NSD1: variants seen among roughly 807,000 people sequenced by gnomAD.
The protein encoded by NSD1 is histone-lysine N-methyltransferase, H3 lysine-36 specific.
NSD1 carries 26 observed loss-of-function variants against 242.7 expected under a neutral mutation model. The ratio of observed to expected loss-of-function variants is 0.11; its 90% CI spans 0.08 to 0.15. The LOEUF (loss-of-function observed/expected upper bound fraction) is 0.15, where lower values mean the gene tolerates loss of function less well. Ranked by LOEUF, NSD1 falls within the 10% of genes least tolerant of loss-of-function variation. The probability of loss-of-function intolerance (pLI) is 1.00; values close to 1 mark genes in which losing one functional copy is unlikely to be tolerated. For synonymous variants in NSD1, 1,106 were observed against 1,178.1 expected, an observed-to-expected ratio of 0.94 and a Z score of 1.25; for missense variants, 2,495 against 3,272.8, an observed-to-expected ratio of 0.76 and a Z score of 5.80.
chr5:177,145,281 A>ATTT (rs371901937), intron 2 of NSD1, among the ~76,000 whole-genome samples: 2 of 138,458 alleles, frequency 1.4e-5, no homozygotes, highest in Non-Finnish European at 3.1e-5. Flanking sequence ...ATGTAACAAG[A>ATTT]TTTTTTTTTT....
At chr5:177,255,044 C>T (rs922684590) in intron 12 of NSD1, among the ~76,000 whole-genome samples, 9 of 152,082 alleles carry the variant, frequency 5.9e-5, no homozygotes, top group Non-Finnish European at 1.3e-4. Flanking sequence ...AGCTACCACG[C>T]CTGTAATCCC....
chr5:177,180,865 TAC>T (rs1298137788), intron 2 of NSD1, among the ~76,000 whole-genome samples: 1 of 150,544 alleles, frequency 6.6e-6, no homozygotes, highest in Non-Finnish European at 1.5e-5. Flanking sequence ...GCATTTTTAG[TAC>T]AGACAGGGTT....
At chr5:177,147,167 TGCATCTCA>T (rs1397828439) in intron 2 of NSD1, among the ~76,000 whole-genome samples, 1 of 151,948 alleles carries the variant, frequency 6.6e-6, no homozygotes, top group African/African-American at 2.4e-5. Flanking sequence ...GTGCAGTAGT[TGCATCTCA>T]GCTCACTGCA....
intron 4 of NSD1, among the ~76,000 whole-genome samples, chr5:177,207,093 C>G (rs888318723): frequency 2.0e-5 from 3 of 151,722 alleles, no homozygotes; most frequent in Non-Finnish European, 2.9e-5. Context: ...TGCGCCACCA[C>G]GCCCTGCTAA....
At position 177,294,930 on chromosome 5, in the gene NSD1, C is replaced by A. The variant is rs775806970; in HGVS notation, c.7562C>A (p.Ala2521Asp). The A allele has an allele frequency of 2.5e-6, 4 of 1,614,126 alleles. No homozygotes were observed. In the Admixed American group the frequency reaches 6.7e-5, roughly 27 times the overall value. ...DPLQTSGKAAAPSEDPWQAVK... is the reference protein window; with the variant it reads ...DPLQTSGKAADPSEDPWQAVK... ...CTTCAGACATCTGGGAAAGCAGCAG[C>A]CCCTTCAGAGGACCCCTGGCAAGCT... The change falls in exon 23 of 23, where the codon GCC (alanine) becomes GAC (aspartate). Residue 2521 changes from alanine (A) to aspartate (D), a missense_variant. By Grantham distance (126) the Ala-to-Asp change is moderately radical. Around this residue, in one of 19 missense-constraint regions of NSD1, gnomAD observed 475 missense variants for 563.7 expected, o/e 0.84. Coordinates refer to ENST00000439151, the MANE Select transcript of NSD1 (RefSeq NM_022455.5).
intron 2 of NSD1, among the ~76,000 whole-genome samples, chr5:177,140,676 G>A (rs1756735135): frequency 6.6e-6 from 1 of 151,726 alleles, no homozygotes; most frequent in South Asian, 2.1e-4. Flanking sequence ...ATGAGATTCT[G>A]TCTCTTAAAA....
chr5:177,147,016 A>T (rs898757267), intron 2 of NSD1, among the ~76,000 whole-genome samples: 1 of 152,000 alleles, frequency 6.6e-6, no homozygotes, highest in African/African-American at 2.4e-5. Context: ...CAAAAAAAAA[A>T]AAAAAAGTTG....
intron 2 of NSD1, among the ~76,000 whole-genome samples, chr5:177,181,048 T>A (rs931289018): frequency 6.8e-6 from 1 of 147,550 alleles, no homozygotes; most frequent in Admixed American, 6.8e-5. Flanking sequence ...GTTTCTTTTT[T>A]TTTTTTTTGA....
intron 2 of NSD1, among the ~76,000 whole-genome samples, chr5:177,181,131 C>T (rs902335280): frequency 1.3e-5 from 2 of 150,430 alleles, no homozygotes; most frequent in African/African-American, 4.9e-5. Context: ...CTCCGCCTCC[C>T]AGGTTCTCCT....
rs1328569366 is a variant in NSD1, at chr5:177,292,040, G to A, written c.6345G>A (p.Lys2115=). The part of the protein sequence containing the change: ...GKRRTQGEIT[K]EREDECFSCG... Reference sequence around the variant, plus strand: ...GCAGGACCCAGGGTGAAATCACAAAGGAGCGAGAAGATGAGTGTTTTAGTT... The same window carrying A: ...GCAGGACCCAGGGTGAAATCACAAAAGAGCGAGAAGATGAGTGTTTTAGTT... Residue 2115 remains lysine (K), a synonymous_variant, in exon 22 of 23, where the codon AAG becomes AAA. Transcript: ENST00000439151. The A allele has an allele frequency of 4.3e-6, 7 of 1,614,138 alleles. No individual in the cohort carries two copies. The highest frequency in any genetic ancestry group is 5.9e-6 in the Non-Finnish European group (7 of 1,180,004).
At position 177,257,164 on chromosome 5, in the gene NSD1, T is replaced by TA. The variant is rs1252292122; in HGVS notation, c.4966+14dup. ...TCTGCATCTAAAGGTATGGATTTCT[T>TA]ATGTGGACCAGTCTAATTGTAAAAC... is the stretch of plus-strand genomic sequence containing the variant. On this transcript the variant is annotated intron_variant, in intron 13 of 22. Transcript: ENST00000439151. 2.5e-6 allele frequency: 4 copies of TA among 1,604,958 alleles called. No homozygotes were observed. The African/African-American group carries it at 5.4e-5, about 21-fold the overall frequency.
At chr5:177,292,520 T>G (rs1313822505) in intron 22 of NSD1, among the ~76,000 whole-genome samples, 1 of 152,074 alleles carries the variant, frequency 6.6e-6, no homozygotes, top group Non-Finnish European at 1.5e-5. Flanking sequence ...GAGAGCTGGG[T>G]TTTTGACTCC....
chr5:177,176,986 T>G (rs535001812), intron 2 of NSD1, among the ~76,000 whole-genome samples: 13 of 152,372 alleles, frequency 8.5e-5, no homozygotes, highest in South Asian at 6.2e-4. Context: ...GTGAGGATTC[T>G]GTTACATTAT....
chr5:177,166,279 G>A (rs1486391684), intron 2 of NSD1, among the ~76,000 whole-genome samples: 2 of 151,994 alleles, frequency 1.3e-5, no homozygotes, highest in Non-Finnish European at 1.5e-5. Context: ...TGGGCAAGGT[G>A]GCTTATGCCT....
chr5:177,154,764 C>T (rs969997490), intron 2 of NSD1, among the ~76,000 whole-genome samples: 1 of 152,108 alleles, frequency 6.6e-6, no homozygotes, highest in Non-Finnish European at 1.5e-5. Context: ...GGTGCGATCT[C>T]GGCTCACTGC....
At chr5:177,214,050 GGCCAGGTGCGGT>G (rs1475753440) in intron 5 of NSD1, among the ~76,000 whole-genome samples, 2 of 151,624 alleles carry the variant, frequency 1.3e-5, no homozygotes, top group Non-Finnish European at 2.9e-5. Flanking sequence ...CGGTATTTAC[GGCCAGGTGCGGT>G]GGCTCACGCC....
At chr5:177,262,819 G>A (rs1380295868) in intron 14 of NSD1, among the ~76,000 whole-genome samples, 4 of 152,314 alleles carry the variant, frequency 2.6e-5, no homozygotes, top group Middle Eastern at 3.4e-3. Context: ...ATTTCACCCT[G>A]GCAATGGAAA....
At chr5:177,291,648 G>A (rs980225421) in intron 21 of NSD1, among the ~76,000 whole-genome samples, 6 of 152,252 alleles carry the variant, frequency 3.9e-5, no homozygotes, top group East Asian at 1.9e-4. Context: ...GCAAGACTCC[G>A]TCTTGAAAAA....
At chr5:177,188,151 T>TA (rs1485964725) in intron 2 of NSD1, among the ~76,000 whole-genome samples, 1 of 152,226 alleles carries the variant, frequency 6.6e-6, no homozygotes, top group East Asian at 1.9e-4. Flanking sequence ...ACATAGGTGT[T>TA]TACTAAGTTT....
Sources: allele counts gnomAD v4.1 joint callset (sites outside exome capture counted in the v4.1 genomes callset), GRCh38; gene constraint gnomAD v4.1.1; regional missense constraint gnomAD v4.1.1; transcripts MANE v1.5; gene names NCBI Gene and HGNC (gene_info 2026-07-23, HGNC 2026-07-21).